ZBTB46: variants seen among roughly 807,000 people sequenced by gnomAD.
The protein encoded by ZBTB46 is zinc finger and BTB domain-containing protein 46.
A neutral mutation model predicts 44.1 loss-of-function variants in ZBTB46; 8 were observed. The observed-to-expected ratio is 0.18, with a 90% CI of 0.11 to 0.33. ZBTB46 has a LOEUF of 0.33. Ranked by LOEUF, ZBTB46 falls within the 10% of genes least tolerant of loss-of-function variation. The pLI, the probability that ZBTB46 is intolerant of heterozygous loss-of-function variation, is 1.00. For synonymous variants in ZBTB46, 409 were observed against 382.3 expected, an observed-to-expected ratio of 1.07 and a Z score of -0.81; for missense variants, 651 against 847.7, an observed-to-expected ratio of 0.77 and a Z score of 2.88.
rs2092663406 is a variant in ZBTB46, at chr20:63,803,619, C to T, written c.-33-12829G>A. ...GCCCTGCCAGCCCCGCCCCTCCCTG[C>T]CCACTGGCCCCTTTCAGTTCCTTCA... On this transcript the variant is annotated intron_variant, in intron 1 of 4. Transcript: ENST00000245663. This position sits in a 1 kb window ranked among gnomAD's most constrained non-coding sequence, Gnocchi z 4.0. 1.5e-6 allele frequency: 1 copy of T among 673,124 alleles called. No individual in the cohort carries two copies. Among genetic ancestry groups the T allele is most frequent in the African/African-American group, 2.0e-5 (1 of 50,826 alleles). The allele number at this position is 673,124 out of a possible 1,614,324, so 41.7% of individuals were successfully genotyped here. A position where few individuals can be genotyped will look rare whatever the true frequency, so the allele number is the denominator to read the frequency against.
At chr20:63,818,972 A>ACCTGGT (rs1196051061) in intron 1 of ZBTB46, among the ~76,000 whole-genome samples, 16 of 151,890 alleles carry the variant, frequency 1.1e-4, no homozygotes, top group Admixed American at 3.9e-4. Flanking sequence ...CAGGAGTTCA[A>ACCTGGT]GACCGCCTGA....
Position 63,746,848 on chromosome 20 carries a change from C to T in ZBTB46, c.*82G>A. On this transcript the variant is annotated 3_prime_UTR_variant, in exon 5 of 5. Transcript: ENST00000245663. ...GGGCCGCGAGAGGGGTGAGCGTGGC[C>T]CTGGCCCCGCAGTGGAGACCCACCG... The T allele has an allele frequency of 7.0e-7, 1 of 1,422,218 alleles. No individual in the cohort carries two copies. The highest frequency in any genetic ancestry group is 1.5e-5 in the South Asian group (1 of 65,688). 88.1% of individuals were successfully genotyped at this position (1,422,218 alleles called of 1,614,324 possible).
At chr20:63,789,709 A>G in intron 2 of ZBTB46, 112 bp downstream of exon 2, 1 of 1,489,902 alleles carries the variant, frequency 6.7e-7, no homozygotes. Context: ...AAGTGACCCT[A>G]GAAAGCCACC....
At chr20:63,785,609 A>G (rs891500798) in intron 2 of ZBTB46, among the ~76,000 whole-genome samples, 1 of 152,114 alleles carries the variant, frequency 6.6e-6, no homozygotes, top group Non-Finnish European at 1.5e-5. Flanking sequence ...ATGGGATGAA[A>G]ATTAAAAATC....
intron 3 of ZBTB46, among the ~76,000 whole-genome samples, chr20:63,771,031 C>T (rs866839798): frequency 1.2e-5 from 1 of 85,900 alleles, no homozygotes; most frequent in Non-Finnish European, 2.6e-5. Flanking sequence ...AAGTCAGCAC[C>T]GGCCACGCCC....
intron 3 of ZBTB46, among the ~76,000 whole-genome samples, chr20:63,771,466 T>A (rs2092372050): frequency 6.6e-6 from 1 of 152,092 alleles, no homozygotes; most frequent in African/African-American, 2.4e-5. Context: ...TAGAAGTCCG[T>A]GAGTTCAACG....
Position 63,747,027 on chromosome 20 carries a change from T to C in ZBTB46, c.1673A>G (p.Glu558Gly), listed in dbSNP as rs763592791. The change falls in exon 5 of 5, where the codon GAG (glutamate) becomes GGG (glycine). Residue 558 changes from glutamate to glycine, a missense_variant. By Grantham distance (98) the Glu-to-Gly change is moderately conservative. Around this residue, in one of 5 missense-constraint regions of ZBTB46, gnomAD observed 106 missense variants for 81.0 expected, o/e 1.31. Transcript: ENST00000245663. ...CTTGTCGTCCGCCAACAGCGCATCC[T>C]CAGGGGCCAGGCCCTCGTCGTCCTC... ...LGEDDEGLAP[E>G]DALLADDKDE... The C allele has an allele frequency of 1.2e-6, 2 of 1,608,284 alleles. No individual in the cohort carries two copies. Among genetic ancestry groups the C allele is most frequent in the South Asian group, 2.2e-5 (2 of 91,052 alleles).
At chr20:63,798,330 G>A (rs902531746) in intron 1 of ZBTB46, among the ~76,000 whole-genome samples, 2 of 151,870 alleles carry the variant, frequency 1.3e-5, no homozygotes, top group Non-Finnish European at 2.9e-5. Flanking sequence ...TATTTCTGAG[G>A]GCTCTGTTCT....
intron 3 of ZBTB46, among the ~76,000 whole-genome samples, chr20:63,756,946 T>G (rs530474557): frequency 6.6e-6 from 1 of 152,380 alleles, no homozygotes; most frequent in South Asian, 2.1e-4. Context: ...CTCTTACATG[T>G]GTCTTTTGGT....
intron 1 of ZBTB46, among the ~76,000 whole-genome samples, chr20:63,821,320 A>G (rs951750881): frequency 6.8e-6 from 1 of 148,078 alleles, no homozygotes; most frequent in Non-Finnish European, 1.5e-5. Flanking sequence ...CATTATTACT[A>G]TTATTATTTT....
At chr20:63,773,481 G>C (rs568828033) in intron 3 of ZBTB46, among the ~76,000 whole-genome samples, 167 of 152,198 alleles carry the variant, frequency 1.1e-3, no homozygotes, top group African/African-American at 3.6e-3. Context: ...GCTGTACCTG[G>C]GGTGCTGCAA....
At chr20:63,780,785 G>A (rs1367083628) in intron 2 of ZBTB46, among the ~76,000 whole-genome samples, 1 of 151,072 alleles carries the variant, frequency 6.6e-6, no homozygotes, top group Non-Finnish European at 1.5e-5. Flanking sequence ...CTGGGCGACA[G>A]AATGATACTC....
Position 63,787,072 on chromosome 20 carries a change from G to C in ZBTB46, c.937+2749C>G, listed in dbSNP as rs566356384. 6.6e-6 allele frequency among the ~76,000 whole-genome samples: 1 copy of C among 152,168 alleles called. No individual in the cohort carries two copies. Among genetic ancestry groups the C allele is most frequent in the African/African-American group, 2.4e-5 (1 of 41,438 alleles). On this transcript the variant is annotated intron_variant, in intron 2 of 4. Coordinates refer to ENST00000245663, the MANE Select transcript of ZBTB46 (RefSeq NM_001369741.1). The surrounding 1 kb of genome is among the most constrained non-coding windows in gnomAD (Gnocchi z 4.6). Reference sequence around the variant, plus strand: ...AGTAGAACAGCATTTACCCGCAGGTGGGGTAGAGGCAAGAGGAAGGTACTG... The same window carrying C: ...AGTAGAACAGCATTTACCCGCAGGTCGGGTAGAGGCAAGAGGAAGGTACTG...
chr20:63,786,051 G>A (rs1222622958), intron 2 of ZBTB46, among the ~76,000 whole-genome samples: 2 of 152,200 alleles, frequency 1.3e-5, no homozygotes, highest in African/African-American at 4.8e-5. Flanking sequence ...ACCTGCCAGC[G>A]AGTTACGTGC....
rs536518455 is a variant in ZBTB46 at position 63,746,967 on chromosome 20, G to C, written c.1733C>G (p.Pro578Arg). 4 of 1,596,346 alleles carry C rather than the reference G, an allele frequency of 2.5e-6. No individual in the cohort carries two copies. The Admixed American group carries it at 6.8e-5, about 27-fold the overall frequency. ...GGCGAAGTCCTTGTCAGGGCCTCCT[G>C]GGGGGCTGCGCGGCCGCGGCGAGTC... ...EEDSPRPRSP[P>R]GGPDKDFAWL... Residue 578 changes from proline to arginine, a missense_variant, in exon 5 of 5, where the codon CCA (proline) becomes CGA (arginine). Pro to Arg is a moderately radical substitution (Grantham distance 103). Transcript: ENST00000245663.
At chr20:63,764,137 T>TA (rs1201736483) in intron 3 of ZBTB46, among the ~76,000 whole-genome samples, 22 of 148,698 alleles carry the variant, frequency 1.5e-4, no homozygotes, top group South Asian at 1.1e-3. Context: ...CCCAGCTAAT[T>TA]AAAAAAAAAA....
At chr20:63,748,130 C>T (rs1046169143) in intron 4 of ZBTB46, among the ~76,000 whole-genome samples, 1 of 152,250 alleles carries the variant, frequency 6.6e-6, no homozygotes, top group Admixed American at 6.5e-5. Flanking sequence ...AGGCAACTCC[C>T]CCACTCTCAG....
rs543054225 is a variant in ZBTB46 at position 63,775,850 on chromosome 20, G to C, written c.1050C>G (p.Gly350=). Residue 350 remains glycine (G), a synonymous_variant, in exon 3 of 5, where the codon GGC becomes GGG. Transcript: ENST00000245663. ...GLLGGEASYL[G]PPLTPEKDDA... ...CGTCCTTCTCTGGGGTGAGGGGAGGGCCCAGATAGCTGGCTTCTCCTCCCA... is the reference window on the plus strand; with the variant it reads ...CGTCCTTCTCTGGGGTGAGGGGAGGCCCCAGATAGCTGGCTTCTCCTCCCA... The C allele has an allele frequency of 6.2e-7, 1 of 1,613,398 alleles. No homozygotes were observed. The highest frequency in any genetic ancestry group is 1.3e-5 in the African/African-American group (1 of 75,060).
intron 1 of ZBTB46, among the ~76,000 whole-genome samples, chr20:63,826,076 C>T (rs146158915): frequency 1.3e-5 from 2 of 152,338 alleles, no homozygotes; most frequent in South Asian, 2.1e-4. Context: ...AGAGGAGCAC[C>T]GACGCAGGCC....
Sources: allele counts gnomAD v4.1 joint callset (sites outside exome capture counted in the v4.1 genomes callset), GRCh38; gene constraint gnomAD v4.1.1; regional missense constraint gnomAD v4.1.1; non-coding constraint Gnocchi (gnomAD v3.1); transcripts MANE v1.5; gene names NCBI Gene and HGNC (gene_info 2026-07-23, HGNC 2026-07-21).